Variants in STK39 observed in about 807,000 individuals in gnomAD.
STK39 encodes STE20/SPS1-related proline-alanine-rich protein kinase.
STK39 carries 20 observed loss-of-function variants against 77.8 expected under a neutral mutation model. That is an observed-to-expected ratio of 0.26 (90% CI 0.18 to 0.37). The LOEUF is 0.37. Ranked by LOEUF, STK39 falls within the 10% of genes least tolerant of loss-of-function variation. STK39 has a pLI of 1.00. For synonymous variants in STK39, 246 were observed against 234.1 expected (o/e 1.05, Z -0.47); for missense variants, 479 against 656.5 (o/e 0.73, Z 2.95).
rs922323175 is a variant in STK39, at chr2:168,001,637, T to C, written c.1498+10997A>G. ...TGAATAAAAAATATATGGATTTAGT[T>C]TTCTTCCTTAACTTTCAAATTTTTT... On this transcript the variant is annotated intron_variant, in intron 16 of 17. Coordinates refer to ENST00000355999, the MANE Select transcript of STK39 (RefSeq NM_013233.3). 6.6e-5 allele frequency among the ~76,000 whole-genome samples: 10 copies of C among 152,172 alleles called. 1 individual carries two copies. The South Asian group carries it at 1.5e-3, about 22-fold the overall frequency.
At chr2:168,079,052 T>G (rs1686157686) in intron 10 of STK39, among the ~76,000 whole-genome samples, 1 of 152,236 alleles carries the variant, frequency 6.6e-6, no homozygotes. Context: ...TATTTCTAAT[T>G]AATTGCTGTT....
intron 14 of STK39, among the ~76,000 whole-genome samples, chr2:168,054,315 C>A (rs529498518): frequency 1.3e-5 from 2 of 152,206 alleles, no homozygotes; most frequent in Non-Finnish European, 2.9e-5. Flanking sequence ...GTGAGCTTTA[C>A]GGTGTTAAAC....
chr2:167,962,835 G>C (rs72883966), intron 17 of STK39, among the ~76,000 whole-genome samples: 50,086 of 152,100 alleles, frequency 0.33, 9,072 homozygotes, highest in Non-Finnish European at 0.41. Context: ...GACCAGGGGG[G>C]AGTCTGCAGC....
chr2:168,232,424 A>C (rs1420117433), intron 1 of STK39, among the ~76,000 whole-genome samples: 1 of 152,204 alleles, frequency 6.6e-6, no homozygotes, highest in Non-Finnish European at 1.5e-5. Flanking sequence ...GAAATATTTA[A>C]TTTTAAACAA....
chr2:167,992,698 T>A (rs1256934679), intron 16 of STK39, among the ~76,000 whole-genome samples: 1 of 152,180 alleles, frequency 6.6e-6, no homozygotes, highest in Non-Finnish European at 1.5e-5. Flanking sequence ...TTTTAACATA[T>A]TCAAACAAAA....
intron 1 of STK39, among the ~76,000 whole-genome samples, chr2:168,196,621 A>C (rs1689475391): frequency 6.6e-6 from 1 of 152,340 alleles, no homozygotes; most frequent in Middle Eastern, 3.4e-3. Context: ...ATGCCACTGC[A>C]CTCCAGAGCA....
At chr2:168,017,764 T>A (rs1304201336) in intron 14 of STK39, among the ~76,000 whole-genome samples, 1 of 152,132 alleles carries the variant, frequency 6.6e-6, no homozygotes, top group Non-Finnish European at 1.5e-5. Flanking sequence ...ATTAAATCAT[T>A]TTTAAAAGTG....
intron 17 of STK39, among the ~76,000 whole-genome samples, chr2:167,963,095 T>A (rs369383162): frequency 2.0e-5 from 3 of 152,116 alleles, no homozygotes; most frequent in Non-Finnish European, 2.9e-5. Context: ...AGGCACAGGG[T>A]GGTAAACAGA....
At position 167,954,811 on chromosome 2, in the gene STK39, CA is replaced by C. The variant is rs1197660394; in HGVS notation, c.*684del. 3.9e-5 allele frequency: 6 copies of C among 152,554 alleles called. No individual in the cohort carries two copies. In the East Asian group the frequency reaches 1.2e-3, roughly 29 times the overall value. The allele number at this position is 152,554 out of a possible 1,614,324, so 9.5% of individuals were successfully genotyped here. ...ATCCAAATTCCTAATTCAGTCATTTCAAAATTTAGAAGTTACAAATACTCCA... is the reference window on the plus strand; with the variant it reads ...ATCCAAATTCCTAATTCAGTCATTTCAAATTTAGAAGTTACAAATACTCCA... On this transcript the variant is annotated 3_prime_UTR_variant, in exon 18 of 18. Coordinates refer to ENST00000355999, the MANE Select transcript of STK39 (RefSeq NM_013233.3).
chr2:168,029,711 C>A (rs995552316), intron 14 of STK39, among the ~76,000 whole-genome samples: 1 of 152,098 alleles, frequency 6.6e-6, no homozygotes, highest in Non-Finnish European at 1.5e-5. Flanking sequence ...CTTTCTCCGA[C>A]GGGTATTTGA....
At position 168,045,536 on chromosome 2, in the gene STK39, T is replaced by C. The variant is rs151198259; in HGVS notation, c.1376+17964A>G. ...ATATCCTTATTTTCTTAAACCAAAA[T>C]ATAAGATCTTTCAAGGACAAAGTTT... On this transcript the variant is annotated intron_variant, in intron 14 of 17. Coordinates refer to ENST00000355999, the MANE Select transcript of STK39 (RefSeq NM_013233.3). 2.6e-5 allele frequency among the ~76,000 whole-genome samples: 4 copies of C among 152,352 alleles called. No individual in the cohort carries two copies. In the East Asian group the frequency reaches 7.7e-4, roughly 29 times the overall value.
chr2:167,978,777 A>T (rs1345446502), intron 16 of STK39, among the ~76,000 whole-genome samples: 1 of 152,094 alleles, frequency 6.6e-6, no homozygotes, highest in Non-Finnish European at 1.5e-5. Flanking sequence ...CCTCTTCCTG[A>T]TCCGCTGCCT....
At chr2:168,102,929 CAAAAAAAAAAAAA>C (rs35442749) in intron 10 of STK39, among the ~76,000 whole-genome samples, 1 of 50,084 alleles carries the variant, frequency 2.0e-5, no homozygotes, top group Non-Finnish European at 3.8e-5. Context: ...GAATCCGTCT[CAAAAAAAAAAAAA>C]AAAAAAAAAA....
At position 168,065,342 on chromosome 2, in the gene STK39, A is replaced by G; in HGVS notation, c.1282T>C (p.Ser428Pro). The G allele has an allele frequency of 3.7e-6, 6 of 1,614,030 alleles. No individual in the cohort carries two copies. The highest frequency in any genetic ancestry group is 4.2e-6 in the Non-Finnish European group (5 of 1,179,938). The stretch of plus-strand genomic sequence containing the variant: ...ACCTGAGAGTCGTGCACAGAGAGGG[A>G]CTGTATTTGTTCGGGGATGGTGCTG... Reference protein sequence around the residue: ...SASTIPEQIQSLSVHDSQGPP... With the variant: ...SASTIPEQIQPLSVHDSQGPP... The change falls in exon 13 of 18, where the codon TCC becomes CCC. Residue 428 changes from serine (S) to proline (P), a missense_variant. Around this residue, in one of 3 missense-constraint regions of STK39, gnomAD observed 244 missense variants for 296.8 expected, o/e 0.82. Transcript: ENST00000355999.
At chr2:168,108,187 CTT>C (rs762128216) in intron 10 of STK39, among the ~76,000 whole-genome samples, 1 of 152,166 alleles carries the variant, frequency 6.6e-6, no homozygotes, top group Non-Finnish European at 1.5e-5. Flanking sequence ...TGGGAGATGT[CTT>C]GACTCGACGG....
chr2:168,057,960 T>C (rs973735564), intron 14 of STK39, among the ~76,000 whole-genome samples: 3 of 152,154 alleles, frequency 2.0e-5, no homozygotes, highest in African/African-American at 7.2e-5. Context: ...GTCCCCTCCC[T>C]CATTCAATTT....
At position 168,127,077 on chromosome 2, in the gene STK39, A is replaced by G. The variant is rs116038842; in HGVS notation, c.1089+2464T>C. On this transcript the variant is annotated intron_variant, in intron 10 of 17. Transcript: ENST00000355999. ...ACATCTCACGAAACTCTAGTTGCTT[A>G]TTGTTTAAGATAGATGCAAACTGGG... 9.7e-4 allele frequency among the ~76,000 whole-genome samples: 148 copies of G among 152,342 alleles called. 1 individual carries two copies. The highest frequency in any genetic ancestry group is 3.5e-3 in the African/African-American group (144 of 41,574).
intron 15 of STK39, among the ~76,000 whole-genome samples, chr2:168,013,814 G>A (rs369308094): frequency 6.6e-5 from 4 of 60,668 alleles, no homozygotes; most frequent in Admixed American, 4.7e-4. Context: ...GTGTGTGTGT[G>A]TGTGTGTGTG....
intron 16 of STK39, among the ~76,000 whole-genome samples, chr2:168,004,582 A>G (rs533909544): frequency 6.6e-6 from 1 of 151,786 alleles, no homozygotes; most frequent in Non-Finnish European, 1.5e-5. Context: ...AATACAAAAA[A>G]ATTAGCCTGA....
Sources: allele counts gnomAD v4.1 joint callset (sites outside exome capture counted in the v4.1 genomes callset), GRCh38; gene constraint gnomAD v4.1.1; regional missense constraint gnomAD v4.1.1; transcripts MANE v1.5; gene names NCBI Gene and HGNC (gene_info 2026-07-23, HGNC 2026-07-21).